KCNT2: variants seen among roughly 807,000 people sequenced by gnomAD.
The protein encoded by KCNT2 is potassium channel subfamily T member 2.
In KCNT2, 67 loss-of-function variants were observed where a neutral mutation model predicts 153.8. The observed-to-expected ratio is 0.44, with a 90% CI of 0.36 to 0.53. The LOEUF (loss-of-function observed/expected upper bound fraction) is 0.53, where lower values mean the gene tolerates loss of function less well. Among genes scored for constraint, KCNT2 ranks in the 20% least tolerant of loss-of-function variants. KCNT2 has a pLI of 0.00. For synonymous variants in KCNT2, 500 were observed against 458.8 expected, an observed-to-expected ratio of 1.09 and a Z score of -1.15; for missense variants, 975 against 1,354.8, an observed-to-expected ratio of 0.72 and a Z score of 4.40.
At chr1:196,604,003 G>A (rs1665035715) in intron 1 of KCNT2, among the ~76,000 whole-genome samples, 2 of 152,180 alleles carry the variant, frequency 1.3e-5, no homozygotes, top group Admixed American at 1.3e-4. Context: ...CAGAAAACAG[G>A]CTTGGAGCAG....
rs987355465 is a variant in KCNT2 at position 196,227,638 on chromosome 1, A to T, written c.*586T>A. 6.6e-6 allele frequency: 1 copy of T among 152,526 alleles called. No homozygotes were observed. 9.4% of individuals were successfully genotyped at this position (152,526 alleles called of 1,614,324 possible). A position where few individuals can be genotyped will look rare whatever the true frequency, so the allele number is the denominator to read the frequency against. ...TGCTATGAACATCTCAAATTCTAAG[A>T]TAAATATTTTTATATCGTAAGGCAG... is the stretch of plus-strand genomic sequence containing the variant. On this transcript the variant is annotated 3_prime_UTR_variant, in exon 28 of 28. Coordinates refer to ENST00000294725, the MANE Select transcript of KCNT2 (RefSeq NM_198503.5).
intron 14 of KCNT2, among the ~76,000 whole-genome samples, chr1:196,359,984 CT>C (rs1667487631): frequency 6.6e-6 from 1 of 152,000 alleles, no homozygotes. Context: ...CTATTAAACA[CT>C]TTCCAAGCAT....
intron 26 of KCNT2, among the ~76,000 whole-genome samples, chr1:196,250,010 A>G (rs1487016400): frequency 6.6e-6 from 1 of 152,168 alleles, no homozygotes; most frequent in Non-Finnish European, 1.5e-5. Flanking sequence ...ATATTGTTAA[A>G]ATGCCCATAC....
chr1:196,477,763 ATTGT>A (rs1678666516), intron 5 of KCNT2, among the ~76,000 whole-genome samples: 1 of 152,142 alleles, frequency 6.6e-6, no homozygotes, highest in African/African-American at 2.4e-5. Flanking sequence ...GTCTTCCCTG[ATTGT>A]TCTATTATTC....
intron 23 of KCNT2, among the ~76,000 whole-genome samples, chr1:196,283,182 G>A (rs1216308885): frequency 1.3e-5 from 2 of 152,174 alleles, no homozygotes; most frequent in East Asian, 1.9e-4. Flanking sequence ...GGTGGCTCAT[G>A]CCTGTAATCC....
chr1:196,349,646 G>A (rs1184260660), intron 14 of KCNT2, among the ~76,000 whole-genome samples: 1 of 151,574 alleles, frequency 6.6e-6, no homozygotes, highest in Non-Finnish European at 1.5e-5. Flanking sequence ...GAGTAGATGG[G>A]GTACTAGAAA....
At chr1:196,412,755 A>G (rs936844741) in intron 12 of KCNT2, among the ~76,000 whole-genome samples, 5 of 151,734 alleles carry the variant, frequency 3.3e-5, no homozygotes, top group African/African-American at 1.2e-4. Context: ...AATCAAATTG[A>G]TCACTGGGTC....
intron 8 of KCNT2, among the ~76,000 whole-genome samples, chr1:196,458,794 C>A (rs1408856757): frequency 2.0e-5 from 3 of 151,870 alleles, no homozygotes; most frequent in African/African-American, 7.2e-5. Context: ...GAAAAAAAGT[C>A]ACATGGCAGG....
chr1:196,472,223 C>G (rs1678164330), intron 5 of KCNT2, among the ~76,000 whole-genome samples: 1 of 152,214 alleles, frequency 6.6e-6, no homozygotes, highest in African/African-American at 2.4e-5. Flanking sequence ...CATACACACT[C>G]TTCCCCTTCT....
intron 25 of KCNT2, among the ~76,000 whole-genome samples, chr1:196,272,715 T>G (rs1156876079): frequency 6.6e-6 from 1 of 151,878 alleles, no homozygotes; most frequent in Non-Finnish European, 1.5e-5. Context: ...TTTGTAAACA[T>G]GTGGTTTATT....
At chr1:196,269,414 G>A (rs1327971464) in intron 25 of KCNT2, among the ~76,000 whole-genome samples, 2 of 152,088 alleles carry the variant, frequency 1.3e-5, no homozygotes, top group African/African-American at 4.8e-5. Context: ...AGGTAGGCCA[G>A]AGGGGCTATC....
intron 21 of KCNT2, among the ~76,000 whole-genome samples, chr1:196,308,277 T>C (rs1412710038): frequency 6.6e-6 from 1 of 152,038 alleles, no homozygotes; most frequent in Non-Finnish European, 1.5e-5. Flanking sequence ...AGGAACCCTC[T>C]TGTGTTTCCA....
intron 14 of KCNT2, among the ~76,000 whole-genome samples, chr1:196,361,914 A>AGTGTGTGTGT (rs34545133): frequency 6.6e-6 from 1 of 150,508 alleles, no homozygotes; most frequent in Non-Finnish European, 1.5e-5. Context: ...TGTGAGTGTG[A>AGTGTGTGTGT]GTGTGTGTGT....
chr1:196,238,898 A>G (rs981540437), intron 26 of KCNT2, among the ~76,000 whole-genome samples: 1 of 151,956 alleles, frequency 6.6e-6, no homozygotes, highest in Non-Finnish European at 1.5e-5. Flanking sequence ...TCAAAACCAC[A>G]TTCAACAATA....
intron 1 of KCNT2, among the ~76,000 whole-genome samples, chr1:196,506,672 C>T (rs534209180): frequency 3.3e-5 from 5 of 152,248 alleles, no homozygotes; most frequent in African/African-American, 1.2e-4. Context: ...GAGCCTTGAT[C>T]CTAGAGCCTA....
intron 26 of KCNT2, among the ~76,000 whole-genome samples, chr1:196,253,078 G>C (rs1037058902): frequency 6.6e-6 from 1 of 151,066 alleles, no homozygotes; most frequent in African/African-American, 2.4e-5. Context: ...GTTTCAATGA[G>C]GTTCTTAAAT....
intron 22 of KCNT2, among the ~76,000 whole-genome samples, chr1:196,292,519 G>A (rs1395018427): frequency 5.9e-5 from 9 of 152,100 alleles, no homozygotes; most frequent in Non-Finnish European, 1.2e-4. Flanking sequence ...AATAGAAAAA[G>A]GAAGTGGCCG....
chr1:196,578,007 C>A (rs1161937036), intron 1 of KCNT2, among the ~76,000 whole-genome samples: 2 of 151,832 alleles, frequency 1.3e-5, no homozygotes, highest in African/African-American at 4.8e-5. Context: ...TTAGGAAAAC[C>A]AGGCAATGAG....
At chr1:196,442,372 T>C (rs932728205) in intron 8 of KCNT2, among the ~76,000 whole-genome samples, 8 of 151,874 alleles carry the variant, frequency 5.3e-5, no homozygotes, top group African/African-American at 1.2e-4. Flanking sequence ...TGAGTACTAT[T>C]AAGTGTCAGG....
Sources: gnomAD v4.1 joint callset for allele counts (sites outside exome capture counted in the v4.1 genomes callset) on GRCh38, gnomAD v4.1.1 for gene constraint, MANE v1.5 for transcripts, NCBI Gene and HGNC (gene_info 2026-07-23, HGNC 2026-07-21) for gene names.